NBEAL2: variants seen among roughly 807,000 people sequenced by gnomAD.
NBEAL2 encodes neurobeachin-like protein 2.
NBEAL2 carries 160 observed loss-of-function variants against 299.8 expected under a neutral mutation model. The ratio of observed to expected loss-of-function variants is 0.53; its 90% CI spans 0.47 to 0.61. The LOEUF (loss-of-function observed/expected upper bound fraction) is 0.61, where lower values mean the gene tolerates loss of function less well. Among genes scored for constraint, NBEAL2 ranks in the 20% least tolerant of loss-of-function variants. NBEAL2 has a pLI of 0.00. For missense variants in NBEAL2, 3,112 were observed against 3,649.0 expected, an observed-to-expected ratio of 0.85 and a Z score of 3.79; for synonymous variants, 1,493 against 1,542.3, an observed-to-expected ratio of 0.97 and a Z score of 0.75.
At position 46,989,057 on chromosome 3, in the gene NBEAL2, T is replaced by A; in HGVS notation, c.270-28T>A. The stretch of plus-strand genomic sequence containing the variant: ...CAAGGAGGGGCATGGTGTATTATTG[T>A]GACCTCTCTCATCATTGACTCCCCC... On this transcript the variant is annotated intron_variant, in intron 3 of 53. Transcript: ENST00000450053. The surrounding 1 kb of genome is among the most constrained non-coding windows in gnomAD (Gnocchi z 5.5). 1 of 1,612,546 alleles carries A rather than the reference T, an allele frequency of 6.2e-7. No individual in the cohort carries two copies. The highest frequency in any genetic ancestry group is 8.5e-7 in the Non-Finnish European group (1 of 1,179,224).
intron 10 of NBEAL2, among the ~76,000 whole-genome samples, 156 bp downstream of exon 10, chr3:46,992,711 G>C (rs2036198060): frequency 6.6e-6 from 1 of 152,184 alleles, no homozygotes; most frequent in African/African-American, 2.4e-5. Flanking sequence ...TGCCTTCCAA[G>C]TCCCCATCCT....
In NBEAL2 at chr3:46,999,016, T is replaced by G. The variant is rs1007735208; in HGVS notation, c.3442T>G (p.Ser1148Ala). ...ALLHGSLVQE[S>A]LAVFLLEPGN... ...GCTGCACGGTTCCCTGGTGCAGGAGTCCTTGGCTGTCTTTCTGTTGGAGCC... is the reference window on the plus strand; with the variant it reads ...GCTGCACGGTTCCCTGGTGCAGGAGGCCTTGGCTGTCTTTCTGTTGGAGCC... The change falls in exon 24 of 54, where the codon TCC becomes GCC. Residue 1148 changes from serine to alanine, a missense_variant. Transcript: ENST00000450053. 2 of 1,604,574 alleles carry G rather than the reference T, an allele frequency of 1.2e-6. No individual in the cohort carries two copies. The highest frequency in any genetic ancestry group is 2.7e-5 in the African/African-American group (2 of 74,616).
At chr3:46,986,297 C>T (rs1037969425) in intron 1 of NBEAL2, among the ~76,000 whole-genome samples, 2 of 152,094 alleles carry the variant, frequency 1.3e-5, no homozygotes, top group African/African-American at 4.8e-5. Flanking sequence ...GATTGAGGGA[C>T]CCACCCCTGT....
rs201749187 is a variant in NBEAL2 at position 46,995,369 on chromosome 3, C to T, written c.1634C>T (p.Ser545Leu). ...CTGCGCCCCCGGCCAGGATTGGACT[C>T]GGAACCAGGCGGAGCTGAGGCTGGA... ...HLLRPRPGLD[S>L]EPGGAEAGKA... Residue 545 changes from serine to leucine, a missense_variant, in exon 13 of 54, where the codon TCG becomes TTG. This residue lies in a region of NBEAL2 where 2,243 missense variants were observed against 2,538.1 expected (regional missense o/e 0.88). Transcript: ENST00000450053. 444 of 1,612,128 alleles carry T rather than the reference C, an allele frequency of 2.8e-4. 2 individuals carry two copies. The African/African-American group carries it at 5.3e-3, about 19-fold the overall frequency.
At chr3:47,007,197 C>T in intron 46 of NBEAL2, 42 bp downstream of exon 46, 1 of 1,610,128 alleles carries the variant, frequency 6.2e-7, no homozygotes, top group Non-Finnish European at 8.5e-7. Flanking sequence ...TCCACTCCCC[C>T]TTGCCTCTGC....
Position 47,005,300 on chromosome 3 carries a change from ACGTCCAGC to A in NBEAL2, c.6540_6547del (p.Val2181AlafsTer6), listed in dbSNP as rs2037342375. 6.2e-7 allele frequency: 1 copy of A among 1,612,454 alleles called. No individual in the cohort carries two copies. Among genetic ancestry groups the A allele is most frequent in the Non-Finnish European group, 8.5e-7 (1 of 1,179,662 alleles). ...CGCGTGGAGCCCTTCACCTCCCTGC[ACGTCCAGC>A]TGCAAAGTGGCCGGTGCGGCCCAGG... On this transcript the variant is annotated frameshift_variant, in exon 40 of 54. Coordinates refer to ENST00000450053, the MANE Select transcript of NBEAL2 (RefSeq NM_015175.3). LOFTEE classifies it high-confidence loss of function.
rs925331768 is a variant in NBEAL2, at chr3:46,997,753, G to T, written c.2958+59G>T. 4.9e-6 allele frequency: 7 copies of T among 1,432,920 alleles called. No individual in the cohort carries two copies. In the South Asian group the frequency reaches 1.1e-4, roughly 22 times the overall value. 88.8% of individuals were successfully genotyped at this position (1,432,920 alleles called of 1,614,324 possible). On this transcript the variant is annotated intron_variant, in intron 20 of 53. Transcript: ENST00000450053. ...GGTATGGTCAGCCTGTCTGACCGAG[G>T]GGACTGAGTGGGGAACCCTGTCAGT...
At position 46,996,772 on chromosome 3, in the gene NBEAL2, T is replaced by G; in HGVS notation, c.2495T>G (p.Phe832Cys). The change falls in exon 17 of 54, where the codon TTC becomes TGC. Residue 832 changes from phenylalanine (F) to cysteine (C), a missense_variant. Physicochemically the swap from Phe to Cys is radical, Grantham distance 205. This residue lies in a region of NBEAL2 where 2,243 missense variants were observed against 2,538.1 expected (regional missense o/e 0.88). Transcript: ENST00000450053. The stretch of plus-strand genomic sequence containing the variant: ...CCAGGGCCCAATGAGACGGCACCCT[T>G]CAAGCCTGAGGGGGAGCTGCATGAG... ...CTLGPNETAP[F>C]KPEGELHELS... 1 of 1,612,514 alleles carries G rather than the reference T, an allele frequency of 6.2e-7. No homozygotes were observed. The highest frequency in any genetic ancestry group is 8.5e-7 in the Non-Finnish European group (1 of 1,179,750).
rs2036498797 is a variant in NBEAL2 at position 46,996,363 on chromosome 3, C to G, written c.2244C>G (p.Ala748=). Residue 748 remains alanine, a synonymous_variant, in exon 16 of 54, where the codon GCC becomes GCG. Coordinates refer to ENST00000450053, the MANE Select transcript of NBEAL2 (RefSeq NM_015175.3). ...CACCACCAGTCCCCGCCACCCTGGC[C>G]TACACTCACCCCGCCCTCACCCGCT... ...LPTPPVPATL[A]YTHPALTRSQ... 1 of 1,612,466 alleles carries G rather than the reference C, an allele frequency of 6.2e-7. No homozygotes were observed. Among genetic ancestry groups the G allele is most frequent in the Admixed American group, 1.7e-5 (1 of 59,990 alleles).
Position 46,999,653 on chromosome 3 carries a change from C to T in NBEAL2, c.3727C>T (p.Leu1243=), listed in dbSNP as rs777602480. Residue 1243 remains leucine (L), a synonymous_variant, in exon 26 of 54, where the codon CTG becomes TTG. Coordinates refer to ENST00000450053, the MANE Select transcript of NBEAL2 (RefSeq NM_015175.3). Reference sequence around the variant, plus strand: ...AGATTGCCTGAACCTCTCAGATCTGCTGGCTGTGGTACAGCTGTCCCTCCA... The same window carrying T: ...AGATTGCCTGAACCTCTCAGATCTGTTGGCTGTGGTACAGCTGTCCCTCCA... ...GADCLNLSDL[L]AVVQLSLQAD... is the part of the protein sequence containing the mutation. 1.9e-6 allele frequency: 3 copies of T among 1,613,122 alleles called. No homozygotes were observed. Among genetic ancestry groups the T allele is most frequent in the South Asian group, 2.2e-5 (2 of 91,050 alleles).
In NBEAL2 at chr3:47,005,951, G is replaced by T; in HGVS notation, c.6807G>T (p.Ser2269=). 6.2e-7 allele frequency: 1 copy of T among 1,613,602 alleles called. No homozygotes were observed. The highest frequency in any genetic ancestry group is 1.1e-5 in the South Asian group (1 of 91,086). The change falls in exon 43 of 54, where the codon TCG becomes TCT. Residue 2269 remains serine, a synonymous_variant. Transcript: ENST00000450053. ...FIQQHRQALE[S]EYVSAHLHEW... ...TGCTGCCTCCCTACTCTCAGGAGTC[G>T]GAGTATGTGTCTGCACACCTACACG...
In NBEAL2 at chr3:46,999,118, G is replaced by T; in HGVS notation, c.3543+1G>T. 1 of 1,570,502 alleles carries T rather than the reference G, an allele frequency of 6.4e-7. No homozygotes were observed. Among genetic ancestry groups the T allele is most frequent in the East Asian group, 2.4e-5 (1 of 42,004 alleles). ...CCTGCTGCCCGATCGAGTCTGCAAG[G>T]TACACCCAGCCCACCCCCTCCCCTG... On this transcript the variant is annotated splice_donor_variant, in intron 24 of 53. Coordinates refer to ENST00000450053, the MANE Select transcript of NBEAL2 (RefSeq NM_015175.3). LOFTEE classifies it high-confidence loss of function.
chr3:47,002,387 C>T lies in NBEAL2; in HGVS notation c.5168C>T (p.Ser1723Phe). The T allele has an allele frequency of 6.2e-7, 1 of 1,613,674 alleles. No individual in the cohort carries two copies. The highest frequency in any genetic ancestry group is 1.1e-5 in the South Asian group (1 of 91,082). Residue 1723 changes from serine to phenylalanine, a missense_variant, in exon 32 of 54, where the codon TCC (serine) becomes TTC (phenylalanine). Ser to Phe is a radical substitution (Grantham distance 155, BLOSUM62 -2). Around this residue, in one of 3 missense-constraint regions of NBEAL2, gnomAD observed 2,243 missense variants for 2,538.1 expected, o/e 0.88. Coordinates refer to ENST00000450053, the MANE Select transcript of NBEAL2 (RefSeq NM_015175.3). ...ATCCTCCAGGTACAGCCAACCATGT[C>T]CCAGTTCGAAATGGACACGTATGCT... ...FIDKQVQPTMSQFEMDTYAKS... is the reference protein window; with the variant it reads ...FIDKQVQPTMFQFEMDTYAKS...
chr3:47,004,161 A>T lies in NBEAL2; in HGVS notation c.5966A>T (p.Glu1989Val). ...RRFNLRRSAL[E>V]LFFIDQANYF... ...TTCAACCTGCGCCGTTCAGCACTTG[A>T]GCTCTTCTTTATCGATCAGGCCAAC... is the stretch of plus-strand genomic sequence containing the variant. The change falls in exon 37 of 54, where the codon GAG becomes GTG. Residue 1989 changes from glutamate (E) to valine (V), a missense_variant. Physicochemically the swap from Glu to Val is moderately radical, Grantham distance 121. This residue lies in a region of NBEAL2 where 521 missense variants were observed against 729.6 expected (regional missense o/e 0.71). Transcript: ENST00000450053. This position sits in a 1 kb window ranked among gnomAD's most constrained non-coding sequence, Gnocchi z 5.0. 1 of 1,613,604 alleles carries T rather than the reference A, an allele frequency of 6.2e-7. No homozygotes were observed. Among genetic ancestry groups the T allele is most frequent in the Non-Finnish European group, 8.5e-7 (1 of 1,179,766 alleles).
intron 26 of NBEAL2, 80 bp from the exon 27 acceptor site, chr3:46,999,809 C>T: frequency 6.3e-7 from 1 of 1,593,094 alleles, no homozygotes; most frequent in Non-Finnish European, 8.6e-7. Context: ...GTCTCTGGAG[C>T]CCTCCTCTGC....
In NBEAL2 at chr3:47,003,209, C is replaced by T. The variant is rs751112773; in HGVS notation, c.5620C>T (p.Leu1874=). The change falls in exon 35 of 54, where the codon CTG becomes TTG. Residue 1874 remains leucine, a synonymous_variant. Coordinates refer to ENST00000450053, the MANE Select transcript of NBEAL2 (RefSeq NM_015175.3). This position sits in a 1 kb window ranked among gnomAD's most constrained non-coding sequence, Gnocchi z 7.0. ...VPLTPTEEAS[L]PLAVTKEAKV... is the part of the protein sequence containing the mutation. ...CCTGACACCCACCGAGGAGGCCTCA[C>T]TGCCTCTGGCAGTGACCAAAGAGGC... The T allele has an allele frequency of 1.9e-6, 3 of 1,612,538 alleles. No individual in the cohort carries two copies. In the African/African-American group the frequency reaches 4.0e-5, roughly 22 times the overall value.
chr3:47,009,421 G>A lies in NBEAL2; in HGVS notation c.*101G>A, dbSNP rs767342283. 16 of 1,040,546 alleles carry A rather than the reference G, an allele frequency of 1.5e-5. No individual in the cohort carries two copies. Among genetic ancestry groups the A allele is most frequent in the Non-Finnish European group, 1.6e-5 (11 of 708,292 alleles). The allele number at this position is 1,040,546 out of a possible 1,614,324, so 64.5% of individuals were successfully genotyped here. On this transcript the variant is annotated 3_prime_UTR_variant, in exon 54 of 54. Coordinates refer to ENST00000450053, the MANE Select transcript of NBEAL2 (RefSeq NM_015175.3). ...AACACCCCGGGGTGGGCAGCCCAGG[G>A]GGGTGAGCGGGGCCCACCCTGCCCA...
At chr3:47,008,476 G>A (rs767695956) in intron 51 of NBEAL2, 35 bp downstream of exon 51, 42 of 1,609,996 alleles carry the variant, frequency 2.6e-5, no homozygotes, top group Non-Finnish European at 3.3e-5. Flanking sequence ...AGATGGAGGG[G>A]CAGTTGGGAT....
chr3:47,004,926 A>G lies in NBEAL2; in HGVS notation c.6295-46A>G. The G allele has an allele frequency of 6.4e-7, 1 of 1,574,262 alleles. No individual in the cohort carries two copies. The highest frequency in any genetic ancestry group is 1.4e-5 in the African/African-American group (1 of 74,012). The stretch of plus-strand genomic sequence containing the variant: ...TGTGGGCAGGGCAGGGTGGGCTGGT[A>G]GGCCATCAGGGCCCTCATGCAGCCC... On this transcript the variant is annotated intron_variant, in intron 38 of 53. Coordinates refer to ENST00000450053, the MANE Select transcript of NBEAL2 (RefSeq NM_015175.3). This position sits in a 1 kb window ranked among gnomAD's most constrained non-coding sequence, Gnocchi z 5.0.
Sources: allele counts gnomAD v4.1 joint callset (sites outside exome capture counted in the v4.1 genomes callset), GRCh38; gene constraint gnomAD v4.1.1; regional missense constraint gnomAD v4.1.1; non-coding constraint Gnocchi (gnomAD v3.1); transcripts MANE v1.5; gene names NCBI Gene and HGNC (gene_info 2026-07-23, HGNC 2026-07-21).